The following SHTN1 variants were observed in gnomAD, a reference collection of about 807,000 sequenced individuals.
The protein encoded by SHTN1 is shootin 1.
A neutral mutation model predicts 83.1 loss-of-function variants in SHTN1; 42 were observed. That is an observed-to-expected ratio of 0.51 (90% CI 0.39 to 0.65). The LOEUF is 0.65. SHTN1 is among the 30% of genes least tolerant of loss of function. The pLI, the probability that SHTN1 is intolerant of heterozygous loss-of-function variation, is 0.00. For synonymous variants in SHTN1, 224 were observed against 247.7 expected, an observed-to-expected ratio of 0.90 and a Z score of 0.90; for missense variants, 622 against 737.8, an observed-to-expected ratio of 0.84 and a Z score of 1.82.
intron 3 of SHTN1, among the ~76,000 whole-genome samples, chr10:116,963,994 T>G (rs2133448696): frequency 6.6e-6 from 1 of 151,760 alleles, no homozygotes; most frequent in Middle Eastern, 3.4e-3. Flanking sequence ...TTTTTACTTG[T>G]TTTTATCTTC....
intron 1 of SHTN1, among the ~76,000 whole-genome samples, chr10:117,051,299 G>C (rs1189839728): frequency 6.6e-6 from 1 of 151,990 alleles, no homozygotes; most frequent in Non-Finnish European, 1.5e-5. Flanking sequence ...AACAAGCTGA[G>C]GATTAAATGA....
chr10:116,940,327 T>G (rs1162273587), intron 9 of SHTN1, 139 bp downstream of exon 9: 1 of 783,864 alleles, frequency 1.3e-6, no homozygotes, highest in African/African-American at 1.8e-5. Flanking sequence ...TAAAAGGTGG[T>G]TGAAAGCACT....
intron 2 of SHTN1, among the ~76,000 whole-genome samples, chr10:116,969,140 C>T (rs760281423): frequency 1.3e-5 from 2 of 152,150 alleles, no homozygotes; most frequent in African/African-American, 2.4e-5. Context: ...GGAAAGACTA[C>T]CGCAGGCCAG....
At chr10:117,099,589 C>T (rs1853559468) in intron 1 of SHTN1, among the ~76,000 whole-genome samples, 1 of 152,132 alleles carries the variant, frequency 6.6e-6, no homozygotes. Flanking sequence ...ACATTCTTTT[C>T]ACCACACCAT....
At chr10:117,095,434 A>G (rs1252298980) in intron 1 of SHTN1, among the ~76,000 whole-genome samples, 5 of 152,198 alleles carry the variant, frequency 3.3e-5, no homozygotes, top group Admixed American at 2.0e-4. Context: ...CCCAGGGGGG[A>G]AACCACACAT....
At chr10:116,991,165 G>A (rs1310869278) in intron 1 of SHTN1, among the ~76,000 whole-genome samples, 2 of 151,602 alleles carry the variant, frequency 1.3e-5, no homozygotes, top group East Asian at 2.0e-4. Flanking sequence ...CAGCCTGGGC[G>A]ACAGAGCAAG....
intron 2 of SHTN1, among the ~76,000 whole-genome samples, chr10:117,030,758 GAAGA>G (rs1852403445): frequency 1.3e-5 from 2 of 151,876 alleles, no homozygotes; most frequent in Non-Finnish European, 2.9e-5. Context: ...TGATCAAGCA[GAAGA>G]AAGAATTAGT....
chr10:117,076,090 G>C (rs901398209), intron 1 of SHTN1, among the ~76,000 whole-genome samples: 2 of 151,002 alleles, frequency 1.3e-5, no homozygotes, highest in Non-Finnish European at 2.9e-5. Context: ...GGCTGAGGCA[G>C]GAGGATCACC....
intron 14 of SHTN1, among the ~76,000 whole-genome samples, chr10:116,907,577 G>T (rs1399787172): frequency 6.6e-6 from 1 of 152,126 alleles, no homozygotes; most frequent in Non-Finnish European, 1.5e-5. Flanking sequence ...TACTAGTCAA[G>T]TGTTTGTACA....
chr10:117,010,432 AAAAG>A (rs1447911442), upstream of SHTN1, among the ~76,000 whole-genome samples: 2 of 152,148 alleles, frequency 1.3e-5, no homozygotes, highest in Non-Finnish European at 2.9e-5. Flanking sequence ...AAAAGAAAAG[AAAAG>A]AAAGACACCC....
chr10:117,049,901 T>G (rs1852716882), intron 1 of SHTN1, among the ~76,000 whole-genome samples: 1 of 151,880 alleles, frequency 6.6e-6, no homozygotes, highest in Non-Finnish European at 1.5e-5. Flanking sequence ...AATGCTTATA[T>G]TAGAAAATAG....
intron 16 of SHTN1, among the ~76,000 whole-genome samples, chr10:116,898,125 C>T (rs1847586790): frequency 6.6e-6 from 1 of 151,982 alleles, no homozygotes; most frequent in Non-Finnish European, 1.5e-5. Flanking sequence ...GTCAGGAGTT[C>T]AAGACCAGCC....
At chr10:116,988,004 C>G (rs1851283899) in intron 1 of SHTN1, among the ~76,000 whole-genome samples, 1 of 151,770 alleles carries the variant, frequency 6.6e-6, no homozygotes, top group African/African-American at 2.4e-5. Context: ...CATTTTTAGA[C>G]CAGTGGTACT....
intron 2 of SHTN1, among the ~76,000 whole-genome samples, chr10:116,974,712 G>T (rs568234629): frequency 6.6e-6 from 1 of 152,050 alleles, no homozygotes; most frequent in African/African-American, 2.4e-5. Context: ...TTTAAAGGCA[G>T]ACATTCTTCT....
intron 1 of SHTN1, among the ~76,000 whole-genome samples, chr10:117,110,584 C>A (rs189601101): frequency 1.3e-5 from 2 of 151,510 alleles, no homozygotes; most frequent in Admixed American, 1.3e-4. Context: ...TGGTCTCAAA[C>A]TCCTGAGCTC....
chr10:116,895,385 T>C (rs1847482641), intron 16 of SHTN1, among the ~76,000 whole-genome samples: 1 of 152,234 alleles, frequency 6.6e-6, no homozygotes, highest in African/African-American at 2.4e-5. Flanking sequence ...AGCCCTTTAT[T>C]GGACATTTGG....
chr10:116,916,569 G>A (rs1435414218), intron 12 of SHTN1, among the ~76,000 whole-genome samples: 6 of 152,154 alleles, frequency 3.9e-5, no homozygotes, highest in Non-Finnish European at 8.8e-5. Context: ...AACCCCAAAA[G>A]GCTGGCTTCT....
Position 116,962,546 on chromosome 10 carries a change from T to A in SHTN1, c.173-2316A>T, listed in dbSNP as rs114169138. 6.1e-3 allele frequency among the ~76,000 whole-genome samples: 923 copies of A among 152,340 alleles called. 11 individuals carry two copies. Among genetic ancestry groups the A allele is most frequent in the African/African-American group, 0.022 (894 of 41,576 alleles). ...TCTGCATTTTTCATAGGAATCTTAC[T>A]TTTTATTCAATAACATTCTTGCTCT... On this transcript the variant is annotated intron_variant, in intron 3 of 16. Coordinates refer to ENST00000355371, the MANE Select transcript of SHTN1 (RefSeq NM_001127211.3).
intron 14 of SHTN1, 61 bp from the exon 15 acceptor site, chr10:116,906,808 T>A: frequency 7.5e-7 from 1 of 1,335,666 alleles, no homozygotes; most frequent in East Asian, 2.6e-5. Flanking sequence ...TACAAAAGAA[T>A]ATAAAAATCA....
Sources: gnomAD v4.1 joint callset for allele counts (sites outside exome capture counted in the v4.1 genomes callset) on GRCh38, gnomAD v4.1.1 for gene constraint, MANE v1.5 for transcripts, NCBI Gene and HGNC (gene_info 2026-07-23, HGNC 2026-07-21) for gene names.